Variants in PCDH9 observed in about 807,000 individuals in gnomAD.
The protein encoded by PCDH9 is protocadherin-9.
In PCDH9, 24 loss-of-function variants were observed where a neutral mutation model predicts 70.6. That is an observed-to-expected ratio of 0.34 (90% CI 0.25 to 0.48). The LOEUF (loss-of-function observed/expected upper bound fraction) is 0.48, where lower values mean the gene tolerates loss of function less well. Among genes scored for constraint, PCDH9 ranks in the 20% least tolerant of loss-of-function variants. PCDH9 has a pLI of 0.99. For missense variants in PCDH9, 1,281 were observed against 1,503.6 expected (o/e 0.85, Z 2.45); for synonymous variants, 562 against 558.5 (o/e 1.01, Z -0.09).
At chr13:66,631,633 A>T (rs1283712691) in intron 3 of PCDH9, among the ~76,000 whole-genome samples, 3 of 152,232 alleles carry the variant, frequency 2.0e-5, no homozygotes, top group Non-Finnish European at 4.4e-5. Context: ...ATAATTCACG[A>T]CCTTAAAACT....
intron 2 of PCDH9, among the ~76,000 whole-genome samples, chr13:67,197,738 A>C (rs1391560790): frequency 6.6e-6 from 1 of 151,930 alleles, no homozygotes; most frequent in East Asian, 1.9e-4. Flanking sequence ...TATATCGATA[A>C]CCATTTATAT....
At chr13:66,407,606 C>T (rs2781777) in intron 4 of PCDH9, among the ~76,000 whole-genome samples, 85,154 of 151,924 alleles carry the variant, frequency 0.56, 24,339 homozygotes, top group African/African-American at 0.68. Context: ...CTTCACTTCA[C>T]TGAGGCATCT....
intron 4 of PCDH9, among the ~76,000 whole-genome samples, chr13:66,580,974 A>G (rs1689128055): frequency 6.6e-6 from 1 of 152,038 alleles, no homozygotes; most frequent in Non-Finnish European, 1.5e-5. Context: ...GTGGTCAGCA[A>G]CTCTGATCTA....
chr13:66,404,508 T>C (rs1010151378), intron 4 of PCDH9, among the ~76,000 whole-genome samples: 2 of 151,966 alleles, frequency 1.3e-5, no homozygotes, highest in Non-Finnish European at 2.9e-5. Context: ...GAAATTGGAT[T>C]CACAAGGAGG....
At chr13:66,933,511 C>T (rs906287520) in intron 2 of PCDH9, among the ~76,000 whole-genome samples, 7 of 152,132 alleles carry the variant, frequency 4.6e-5, no homozygotes, top group African/African-American at 1.4e-4. Context: ...CTTTGTATTG[C>T]TACAATAGCA....
rs183186286 is a variant in PCDH9, at chr13:66,384,861, G to T, written c.3341-79833C>A. On this transcript the variant is annotated intron_variant, in intron 4 of 4. Coordinates refer to ENST00000377865, the MANE Select transcript of PCDH9 (RefSeq NM_203487.3). ...TTTTTGTATTTTTAGTAGAGACAGG[G>T]TTTCACCATGTTGGCCAGGCTGGTC... 5.0e-3 allele frequency among the ~76,000 whole-genome samples: 757 copies of T among 152,050 alleles called. 22 individuals are homozygous for T. The East Asian group carries it at 0.075, about 15-fold the overall frequency.
chr13:66,596,871 G>A (rs2077110330), intron 4 of PCDH9, among the ~76,000 whole-genome samples: 1 of 148,176 alleles, frequency 6.7e-6, no homozygotes, highest in South Asian at 2.1e-4. Flanking sequence ...GCAGAACATG[G>A]CTATTCTTTT....
intron 3 of PCDH9, among the ~76,000 whole-genome samples, chr13:66,641,452 C>G (rs1354131699): frequency 1.3e-5 from 2 of 152,094 alleles, no homozygotes; most frequent in South Asian, 2.1e-4. Flanking sequence ...AGGTAAAGAT[C>G]CTAATTACAC....
At chr13:66,685,295 C>T (rs1047167325) in intron 3 of PCDH9, among the ~76,000 whole-genome samples, 1 of 152,204 alleles carries the variant, frequency 6.6e-6, no homozygotes, top group Admixed American at 6.5e-5. Flanking sequence ...GGCCAAAGTA[C>T]AGCTCATATC....
chr13:66,516,635 A>G (rs935195133), intron 4 of PCDH9, among the ~76,000 whole-genome samples: 1 of 152,064 alleles, frequency 6.6e-6, no homozygotes, highest in African/African-American at 2.4e-5. Flanking sequence ...TTTAGAGACT[A>G]TCAACTATCT....
intron 3 of PCDH9, among the ~76,000 whole-genome samples, chr13:66,746,774 A>G (rs9571644): frequency 0.28 from 42,551 of 152,042 alleles, 6,480 homozygotes; most frequent in East Asian, 0.44. Context: ...CAAATGTGCA[A>G]AACCAGAACA....
intron 4 of PCDH9, among the ~76,000 whole-genome samples, chr13:66,473,309 T>C (rs1283857206): frequency 6.6e-6 from 1 of 152,114 alleles, no homozygotes; most frequent in African/African-American, 2.4e-5. Flanking sequence ...GATATATCGA[T>C]ATTTGCTATG....
intron 3 of PCDH9, among the ~76,000 whole-genome samples, chr13:66,860,977 C>T (rs912656775): frequency 2.0e-5 from 3 of 152,196 alleles, no homozygotes; most frequent in Non-Finnish European, 4.4e-5. Flanking sequence ...TGAGCCAATG[C>T]ACTAATTTAT....
At position 66,368,222 on chromosome 13, in the gene PCDH9, A is replaced by G. The variant is rs574165429; in HGVS notation, c.3341-63194T>C. ...TTCTAAATGTCTTTAACATTACTAA[A>G]TGAGTTAAAATTTTAATGTAAAAAT... On this transcript the variant is annotated intron_variant, in intron 4 of 4. Coordinates refer to ENST00000377865, the MANE Select transcript of PCDH9 (RefSeq NM_203487.3). Among the ~76,000 whole-genome samples the G allele has an allele frequency of 8.5e-5, 13 of 152,200 alleles. No homozygotes were observed. In the South Asian group the frequency reaches 2.7e-3, roughly 32 times the overall value.
At chr13:66,573,018 C>T (rs2076756023) in intron 4 of PCDH9, among the ~76,000 whole-genome samples, 1 of 152,058 alleles carries the variant, frequency 6.6e-6, no homozygotes, top group African/African-American at 2.4e-5. Flanking sequence ...ATACTGTTTT[C>T]CATAATGGCT....
At chr13:66,630,703 A>G (rs2077558817) in intron 4 of PCDH9, 1 of 46,126 alleles carries the variant, frequency 2.2e-5, no homozygotes, top group Admixed American at 3.7e-4. Context: ...TCATGATTTA[A>G]TCCTTTTTTT....
chr13:66,435,542 G>T (rs1355280495), intron 4 of PCDH9, among the ~76,000 whole-genome samples: 1 of 152,044 alleles, frequency 6.6e-6, no homozygotes, highest in Non-Finnish European at 1.5e-5. Context: ...AATATTTTAG[G>T]ATGCATTAAT....
chr13:67,191,472 A>T (rs574659447), intron 2 of PCDH9, among the ~76,000 whole-genome samples: 8 of 152,104 alleles, frequency 5.3e-5, no homozygotes, highest in East Asian at 1.9e-4. Context: ...TTGCTTCCTA[A>T]TGGGTATAAT....
intron 4 of PCDH9, among the ~76,000 whole-genome samples, chr13:66,476,705 T>G (rs1345264435): frequency 6.6e-6 from 1 of 152,018 alleles, no homozygotes; most frequent in Non-Finnish European, 1.5e-5. Context: ...TCTTCCATAT[T>G]CACCTAAGAA....
Sources: gnomAD v4.1 joint callset for allele counts (sites outside exome capture counted in the v4.1 genomes callset) on GRCh38, gnomAD v4.1.1 for gene constraint, MANE v1.5 for transcripts, NCBI Gene and HGNC (gene_info 2026-07-23, HGNC 2026-07-21) for gene names.